DST: variants seen among roughly 807,000 people sequenced by gnomAD.
DST encodes the protein dystonin.
Under a neutral mutation model 875.2 loss-of-function variants are expected in DST, and 253 were observed. The observed-to-expected ratio is 0.29, with a 90% CI of 0.26 to 0.32. The LOEUF is 0.32. Among genes scored for constraint, DST ranks in the 10% least tolerant of loss-of-function variants. The pLI is 1.00. For missense variants in DST, 8,287 were observed against 9,111.6 expected, an observed-to-expected ratio of 0.91 and a Z score of 3.68; for synonymous variants, 3,124 against 3,197.1, an observed-to-expected ratio of 0.98 and a Z score of 0.77.
In DST at chr6:56,752,783, G is replaced by GT. The variant is rs1318898932; in HGVS notation, c.626-17495dup. ...TTTGTATTACTATAAACAAGATTGA[G>GT]TTTTTTTGTTTTTTTTGTTTTTTTT... is the stretch of plus-strand genomic sequence containing the variant. On this transcript the variant is annotated intron_variant, in intron 4 of 103. Transcript: ENST00000680361. Among the ~76,000 whole-genome samples the GT allele has an allele frequency of 4.6e-5, 7 of 152,064 alleles. No individual in the cohort carries two copies. The East Asian group carries it at 7.7e-4, about 17-fold the overall frequency.
intron 36 of DST, among the ~76,000 whole-genome samples, chr6:56,621,318 A>T (rs947946451): frequency 2.6e-5 from 4 of 152,266 alleles, no homozygotes; most frequent in Non-Finnish European, 5.9e-5. Flanking sequence ...GGAAAATTAT[A>T]CAAAAACTTG....
intron 5 of DST, among the ~76,000 whole-genome samples, chr6:56,719,867 C>T (rs758027372): frequency 2.1e-4 from 32 of 152,074 alleles, no homozygotes; most frequent in South Asian, 8.3e-4. Context: ...GGGTGTGGGT[C>T]CCAAAGATCA....
At chr6:56,763,407 C>A (rs1410766188) in intron 4 of DST, among the ~76,000 whole-genome samples, 1 of 152,060 alleles carries the variant, frequency 6.6e-6, no homozygotes, top group African/African-American at 2.4e-5. Flanking sequence ...CATGGTGGCT[C>A]ACGCCTGTAA....
chr6:56,594,211 G>A lies in DST; in HGVS notation c.12196-18C>T, dbSNP rs1368333664. 2 of 1,503,480 alleles carry A rather than the reference G, an allele frequency of 1.3e-6. No individual in the cohort carries two copies. Among genetic ancestry groups the A allele is most frequent in the African/African-American group, 2.8e-5 (2 of 71,600 alleles). 93.1% of individuals were successfully genotyped at this position (1,503,480 alleles called of 1,614,324 possible). Reference sequence around the variant, plus strand: ...TGTTGGGCCTATGTGAAAACAAATTGATCATAATCTTCAAGCAGTAACGGG... The same window carrying A: ...TGTTGGGCCTATGTGAAAACAAATTAATCATAATCTTCAAGCAGTAACGGG... On this transcript the variant is annotated intron_variant, in intron 47 of 103. Coordinates refer to ENST00000680361, the MANE Select transcript of DST (RefSeq NM_001374736.1).
chr6:56,629,171 C>T, intron 32 of DST, 79 bp downstream of exon 32: 1 of 1,396,428 alleles, frequency 7.2e-7, no homozygotes, highest in Non-Finnish European at 1.0e-6. Flanking sequence ...AAAAAATAGC[C>T]TCATATGTGT....
In DST at chr6:56,603,992, T is replaced by A. The variant is rs374881143; in HGVS notation, c.10636A>T (p.Thr3546Ser). 3.1e-6 allele frequency: 5 copies of A among 1,607,324 alleles called. No individual in the cohort carries two copies. In the African/African-American group the frequency reaches 6.7e-5, roughly 21 times the overall value. Reference protein sequence around the residue: ...EGNYYSPNLETVKEIGLESST... With the variant: ...EGNYYSPNLESVKEIGLESST... Reference sequence around the variant, plus strand: ...CTTTCTAGTCCAATTTCTTTTACAGTTTCTAAATTAGGAGAATAGTAGTTT... The same window carrying A: ...CTTTCTAGTCCAATTTCTTTTACAGATTCTAAATTAGGAGAATAGTAGTTT... Residue 3546 changes from threonine (T) to serine (S), a missense_variant, in exon 40 of 104, where the codon ACT (threonine) becomes TCT (serine). Transcript: ENST00000680361.
At chr6:56,929,263 G>T (rs912399248) in intron 2 of DST, among the ~76,000 whole-genome samples, 1 of 151,966 alleles carries the variant, frequency 6.6e-6, no homozygotes, top group African/African-American at 2.4e-5. Flanking sequence ...AAAAGGCTAA[G>T]GTTTTACATT....
Position 56,634,222 on chromosome 6 carries a change from C to A in DST, c.3531G>T (p.Trp1177Cys). 6.2e-7 allele frequency: 1 copy of A among 1,613,552 alleles called. No homozygotes were observed. Among genetic ancestry groups the A allele is most frequent in the African/African-American group, 1.3e-5 (1 of 74,998 alleles). The change falls in exon 27 of 104, where the codon TGG (tryptophan) becomes TGT (cysteine). Residue 1177 changes from tryptophan (W) to cysteine (C), a missense_variant. Trp to Cys is a radical substitution (Grantham distance 215, BLOSUM62 -2). Transcript: ENST00000680361. The stretch of plus-strand genomic sequence containing the variant: ...TCTTCATGTTTATGTGAGACTCATG[C>A]CAAAGAGTCAGGACATTCTGATACT... ...EQQYQNVLTL[W>C]HESHINMKSV...
intron 55 of DST, among the ~76,000 whole-genome samples, chr6:56,567,025 A>C (rs1316567021): frequency 6.6e-6 from 1 of 152,204 alleles, no homozygotes; most frequent in Non-Finnish European, 1.5e-5. Context: ...TGGACAAATC[A>C]ATCAGCCAAA....
intron 82 of DST, among the ~76,000 whole-genome samples, 187 bp from the exon 83 acceptor site, chr6:56,494,367 T>C (rs1050380730): frequency 5.3e-5 from 8 of 152,108 alleles, no homozygotes; most frequent in African/African-American, 1.7e-4. Context: ...TCATACCCTG[T>C]CTACTGGGAA....
In DST at chr6:56,493,048, G is replaced by A; in HGVS notation, c.20436C>T (p.His6812=). The A allele has an allele frequency of 6.2e-7, 1 of 1,612,604 alleles. No individual in the cohort carries two copies. Among genetic ancestry groups the A allele is most frequent in the Non-Finnish European group, 8.5e-7 (1 of 1,179,276 alleles). ...EEALNLAMEF[H]NSLQDFINWL... ...AGTTGATGAAGTCTTGGAGAGAATTGTGGAACTCCATTGCCAAGTTGAGAG... is the reference window on the plus strand; with the variant it reads ...AGTTGATGAAGTCTTGGAGAGAATTATGGAACTCCATTGCCAAGTTGAGAG... Residue 6812 remains histidine (H), a synonymous_variant, in exon 84 of 104, where the codon CAC becomes CAT. Coordinates refer to ENST00000680361, the MANE Select transcript of DST (RefSeq NM_001374736.1).
At chr6:56,591,117 A>G (rs1375076681) in intron 49 of DST, among the ~76,000 whole-genome samples, 1 of 152,230 alleles carries the variant, frequency 6.6e-6, no homozygotes, top group Non-Finnish European at 1.5e-5. Flanking sequence ...AGATTGATGG[A>G]ATGAAACTTT....
At chr6:56,703,936 T>G (rs916686876) in intron 6 of DST, among the ~76,000 whole-genome samples, 190 bp from the exon 7 acceptor site, 3 of 151,906 alleles carry the variant, frequency 2.0e-5, no homozygotes, top group Admixed American at 2.0e-4. Flanking sequence ...CAATGTTTAT[T>G]TTCTTGCTAT....
intron 10 of DST, among the ~76,000 whole-genome samples, chr6:56,666,194 T>C (rs963175968): frequency 2.6e-5 from 4 of 152,160 alleles, no homozygotes; most frequent in Admixed American, 6.5e-5. Flanking sequence ...ACAAACATTC[T>C]TTTTATTTTC....
chr6:56,669,914 A>G (rs778535265), intron 10 of DST, among the ~76,000 whole-genome samples: 4 of 152,228 alleles, frequency 2.6e-5, no homozygotes, highest in Non-Finnish European at 5.9e-5. Flanking sequence ...AATGCTCACC[A>G]GGAAACTATT....
Position 56,916,987 on chromosome 6 carries a change from T to TAAAAAAAA in DST, c.217-16374_217-16367dup, listed in dbSNP as rs1161421788. Among the ~76,000 whole-genome samples the TAAAAAAAA allele has an allele frequency of 1.1e-4, 4 of 35,556 alleles. 1 individual carries two copies. The highest frequency in any genetic ancestry group is 4.5e-4 in the African/African-American group (4 of 8,874). 23.3% of individuals were successfully genotyped at this position (35,556 alleles called of 152,430 possible). ...ACTCGCCATCAAGCCCCAGGCATGC[T>TAAAAAAAA]AAAAAAAAAAAAAAAAAAAAAAAAA... On this transcript the variant is annotated intron_variant, in intron 2 of 103. Transcript: ENST00000680361.
intron 86 of DST, among the ~76,000 whole-genome samples, chr6:56,487,837 TGGG>T (rs2095615246): frequency 6.6e-6 from 1 of 152,202 alleles, no homozygotes; most frequent in Admixed American, 6.5e-5. Flanking sequence ...GTCAACTTAA[TGGG>T]AAGCTTACAA....
intron 9 of DST, among the ~76,000 whole-genome samples, chr6:56,691,842 C>T (rs1193072566): frequency 6.6e-6 from 1 of 152,140 alleles, no homozygotes; most frequent in Non-Finnish European, 1.5e-5. Flanking sequence ...AAGATGTACC[C>T]TAGCCCTCAA....
intron 2 of DST, among the ~76,000 whole-genome samples, chr6:56,907,574 T>C (rs751149503): frequency 1.6e-4 from 25 of 152,230 alleles, no homozygotes; most frequent in Non-Finnish European, 2.9e-4. Flanking sequence ...CAGGTTTATC[T>C]AACTCCAACC....
Sources: allele counts gnomAD v4.1 joint callset (sites outside exome capture counted in the v4.1 genomes callset), GRCh38; gene constraint gnomAD v4.1.1; transcripts MANE v1.5; gene names NCBI Gene and HGNC (gene_info 2026-07-23, HGNC 2026-07-21).